The following KIF21A variants were observed in gnomAD, a reference collection of about 807,000 sequenced individuals.
KIF21A encodes the protein kinesin family member 21A.
KIF21A carries 114 observed loss-of-function variants against 202.9 expected under a neutral mutation model. The observed-to-expected ratio is 0.56, with a 90% confidence interval of 0.48 to 0.66. The LOEUF (loss-of-function observed/expected upper bound fraction) is 0.66, where lower values mean the gene tolerates loss of function less well. KIF21A is among the 30% of genes least tolerant of loss of function. The probability of loss-of-function intolerance (pLI) is 0.00; values close to 1 mark genes in which losing one functional copy is unlikely to be tolerated. For synonymous variants in KIF21A, 667 were observed against 670.8 expected (o/e 0.99, Z 0.09); for missense variants, 1,677 against 1,994.9 (o/e 0.84, Z 3.04).
At chr12:39,405,336 G>C (rs1269846673) in intron 1 of KIF21A, among the ~76,000 whole-genome samples, 1 of 151,898 alleles carries the variant, frequency 6.6e-6, no homozygotes, top group Non-Finnish European at 1.5e-5. Context: ...TGGACGACAA[G>C]AGCAAAACTC....
Position 39,319,865 on chromosome 12 carries a change from A to T in KIF21A, c.3779+41T>A, listed in dbSNP as rs757440687. On this transcript the variant is annotated intron_variant, in intron 28 of 37. Transcript: ENST00000361418. ...TCTTTAGCATCTAAGTGCAGCAGGC[A>T]TTTAATACAGTCTAGCAGGTAAAAA... 1.5e-5 allele frequency: 17 copies of T among 1,145,004 alleles called. No homozygotes were observed. The East Asian group carries it at 4.1e-4, about 27-fold the overall frequency. The allele number at this position is 1,145,004 out of a possible 1,614,324, so 70.9% of individuals were successfully genotyped here.
intron 1 of KIF21A, among the ~76,000 whole-genome samples, chr12:39,375,632 A>G (rs1158473031): frequency 6.6e-6 from 1 of 152,128 alleles, no homozygotes; most frequent in Non-Finnish European, 1.5e-5. Flanking sequence ...ACAGAGCACC[A>G]GGTCAAATCA....
chr12:39,315,390 A>T (rs1250554278), intron 30 of KIF21A, 150 bp from the exon 31 acceptor site: 3 of 705,448 alleles, frequency 4.3e-6, no homozygotes, highest in Non-Finnish European at 7.5e-6. Flanking sequence ...ATGAAAAAAA[A>T]TAACAGTTAT....
chr12:39,311,027 C>G (rs77828346), intron 32 of KIF21A, among the ~76,000 whole-genome samples: 6 of 152,044 alleles, frequency 3.9e-5, no homozygotes, highest in Non-Finnish European at 8.8e-5. Flanking sequence ...TATTAGTATA[C>G]TGCCTAGCAT....
At chr12:39,374,691 T>C (rs984013224) in intron 1 of KIF21A, among the ~76,000 whole-genome samples, 1 of 152,152 alleles carries the variant, frequency 6.6e-6, no homozygotes, top group Non-Finnish European at 1.5e-5. Flanking sequence ...GCAAGATATA[T>C]GATAATTACA....
chr12:39,298,389 A>G (rs1942622693), intron 37 of KIF21A, among the ~76,000 whole-genome samples: 1 of 152,226 alleles, frequency 6.6e-6, no homozygotes, highest in Non-Finnish European at 1.5e-5. Flanking sequence ...CTATAAGGTC[A>G]GACAGCAAAC....
At chr12:39,384,188 TG>T (rs1403548827) in intron 1 of KIF21A, among the ~76,000 whole-genome samples, 1 of 152,212 alleles carries the variant, frequency 6.6e-6, no homozygotes, top group East Asian at 1.9e-4. Context: ...CAAAGAAATG[TG>T]CTTTGCTTTT....
chr12:39,416,249 G>A (rs1039370960), intron 1 of KIF21A, among the ~76,000 whole-genome samples: 3 of 152,156 alleles, frequency 2.0e-5, no homozygotes, highest in Admixed American at 6.5e-5. Context: ...AAAGTCTCTG[G>A]TTTGTCATCT....
intron 26 of KIF21A, among the ~76,000 whole-genome samples, 176 bp from the exon 27 acceptor site, chr12:39,323,058 C>A (rs530141887): frequency 7.8e-6 from 1 of 127,470 alleles, no homozygotes; most frequent in African/African-American, 2.9e-5. Context: ...GCTAGATAAA[C>A]CTTTAGAGGC....
chr12:39,322,614 C>CT (rs894284233), intron 27 of KIF21A, 54 bp downstream of exon 27: 3,426 of 1,165,532 alleles, frequency 2.9e-3, no homozygotes, highest in Non-Finnish European at 3.6e-3. Flanking sequence ...AACATGCATA[C>CT]TTTTTTTTTT....
At position 39,318,096 on chromosome 12, in the gene KIF21A, T is replaced by C. The variant is rs1173530834; in HGVS notation, c.3885A>G (p.Gly1295=). ...NVFNRLTVSQ[G]NTSVQQDKSD... is the part of the protein sequence containing the mutation. ...ACTTATCCTGCTGAACTGATGTGTTTCCCTGAGAAACAGTAAGACGATTAA... is the reference window on the plus strand; with the variant it reads ...ACTTATCCTGCTGAACTGATGTGTTCCCCTGAGAAACAGTAAGACGATTAA... The change falls in exon 29 of 38, where the codon GGA becomes GGG. Residue 1295 remains glycine, a synonymous_variant. Coordinates refer to ENST00000361418, the MANE Select transcript of KIF21A (RefSeq NM_001173464.2). 1 of 1,613,190 alleles carries C rather than the reference T, an allele frequency of 6.2e-7. No homozygotes were observed. Among genetic ancestry groups the C allele is most frequent in the Non-Finnish European group, 8.5e-7 (1 of 1,179,382 alleles).
At chr12:39,403,244 G>GAT (rs1340886556) in intron 1 of KIF21A, among the ~76,000 whole-genome samples, 1 of 152,140 alleles carries the variant, frequency 6.6e-6, no homozygotes. Context: ...AGAATACCAA[G>GAT]ATATGCAATA....
At chr12:39,352,725 G>A (rs187937158) in intron 10 of KIF21A, among the ~76,000 whole-genome samples, 48 of 152,244 alleles carry the variant, frequency 3.2e-4, no homozygotes, top group South Asian at 4.1e-4. Flanking sequence ...TGAATATAGC[G>A]TGGGAAAAGA....
rs368612204 is a variant in KIF21A at position 39,336,809 on chromosome 12, G to A, written c.2418+287C>T. Among the ~76,000 whole-genome samples the A allele has an allele frequency of 2.7e-4, 41 of 152,152 alleles. No individual in the cohort carries two copies. The Middle Eastern group carries it at 0.01, about 38-fold the overall frequency. Reference sequence around the variant, plus strand: ...ATATAATACTGCAACTAGTTCCTTGGTCATCCTAGAGATAACCAGTCATTC... The same window carrying A: ...ATATAATACTGCAACTAGTTCCTTGATCATCCTAGAGATAACCAGTCATTC... On this transcript the variant is annotated intron_variant, in intron 17 of 37. Transcript: ENST00000361418.
At chr12:39,308,975 A>T (rs1013848914) in intron 33 of KIF21A, among the ~76,000 whole-genome samples, 1 of 152,152 alleles carries the variant, frequency 6.6e-6, no homozygotes, top group Non-Finnish European at 1.5e-5. Context: ...GTCAATTTTG[A>T]TTATTAAAAA....
At chr12:39,399,468 GAA>G (rs1321702641) in intron 1 of KIF21A, among the ~76,000 whole-genome samples, 1 of 152,172 alleles carries the variant, frequency 6.6e-6, no homozygotes, top group Non-Finnish European at 1.5e-5. Flanking sequence ...AGGAACAAGA[GAA>G]ATCTACATTG....
At chr12:39,323,865 C>T (rs1338620768) in intron 26 of KIF21A, among the ~76,000 whole-genome samples, 1 of 152,098 alleles carries the variant, frequency 6.6e-6, no homozygotes, top group Admixed American at 6.5e-5. Flanking sequence ...AATCCCAGCA[C>T]TTTGGGAGGC....
In KIF21A at chr12:39,366,659, G is replaced by C. The variant is rs1440951987; in HGVS notation, c.736-142C>G. 7.4e-6 allele frequency: 5 copies of C among 677,068 alleles called. No individual in the cohort carries two copies. In the African/African-American group the frequency reaches 9.1e-5, roughly 12 times the overall value. The allele number at this position is 677,068 out of a possible 1,614,324, so 41.9% of individuals were successfully genotyped here. A position where few individuals can be genotyped will look rare whatever the true frequency, so the allele number is the denominator to read the frequency against. The stretch of plus-strand genomic sequence containing the variant: ...AAGCCAAATAAATTCAAAAATGTCT[G>C]CTGGCAATTAGAAATTTAAAGTCAG... On this transcript the variant is annotated intron_variant, in intron 5 of 37. Transcript: ENST00000361418.
chr12:39,328,271 C>A (rs534815841), intron 24 of KIF21A, among the ~76,000 whole-genome samples: 66 of 152,240 alleles, frequency 4.3e-4, no homozygotes, highest in South Asian at 1.7e-3. Context: ...ATATGTCACC[C>A]CCCCCAGTAA....
Sources: gnomAD v4.1 joint callset for allele counts (sites outside exome capture counted in the v4.1 genomes callset) on GRCh38, gnomAD v4.1.1 for gene constraint, MANE v1.5 for transcripts, NCBI Gene and HGNC (gene_info 2026-07-23, HGNC 2026-07-21) for gene names.